STAP1: variants seen among roughly 807,000 people sequenced by gnomAD.
STAP1 encodes signal-transducing adaptor protein 1.
Under a neutral mutation model 37.8 loss-of-function variants are expected in STAP1, and 30 were observed. The observed-to-expected ratio is 0.79, with a 90% CI of 0.59 to 1.08. STAP1 has a LOEUF of 1.08. Among genes scored for constraint, STAP1 ranks in the 50% least tolerant of loss-of-function variants. STAP1 has a pLI of 0.00. For missense variants in STAP1, 357 were observed against 349.4 expected, an observed-to-expected ratio of 1.02 and a Z score of -0.17; for synonymous variants, 130 against 116.0, an observed-to-expected ratio of 1.12 and a Z score of -0.78.
At chr4:67,604,078 A>T (rs991219851) in intron 8 of STAP1, among the ~76,000 whole-genome samples, 1 of 152,198 alleles carries the variant, frequency 6.6e-6, no homozygotes, top group African/African-American at 2.4e-5. Flanking sequence ...CTCTGGCAAG[A>T]GCTGGTCTAA....
At chr4:67,585,301 C>T (rs1727957125) in intron 6 of STAP1, among the ~76,000 whole-genome samples, 2 of 152,168 alleles carry the variant, frequency 1.3e-5, no homozygotes, top group Non-Finnish European at 2.9e-5. Flanking sequence ...CCATAAATAT[C>T]TATAATTCTA....
chr4:67,566,530 T>A (rs901372225), intron 1 of STAP1, among the ~76,000 whole-genome samples: 4 of 152,144 alleles, frequency 2.6e-5, no homozygotes, highest in African/African-American at 9.7e-5. Flanking sequence ...AACAGAGCAG[T>A]ACACTCACTC....
At chr4:67,605,419 T>C (rs1222664985) in intron 8 of STAP1, among the ~76,000 whole-genome samples, 1 of 150,522 alleles carries the variant, frequency 6.6e-6, no homozygotes, top group East Asian at 1.9e-4. Context: ...TTAAGGATTT[T>C]AGAAACAGAC....
intron 1 of STAP1, among the ~76,000 whole-genome samples, chr4:67,564,976 C>T (rs1369036479): frequency 6.6e-6 from 1 of 152,142 alleles, no homozygotes; most frequent in Non-Finnish European, 1.5e-5. Context: ...ATGCATTTCT[C>T]TACATTCCCA....
intron 5 of STAP1, among the ~76,000 whole-genome samples, chr4:67,582,405 C>T (rs1727884230): frequency 6.6e-6 from 1 of 151,620 alleles, no homozygotes; most frequent in African/African-American, 2.4e-5. Context: ...ACCTCTGGGT[C>T]TCAAACGATT....
chr4:67,602,940 C>A (rs888369981), intron 8 of STAP1, among the ~76,000 whole-genome samples: 1 of 151,974 alleles, frequency 6.6e-6, no homozygotes. Flanking sequence ...AATGGCTAAT[C>A]CAGCCAAGCT....
intron 4 of STAP1, among the ~76,000 whole-genome samples, chr4:67,578,979 C>A (rs1727790415): frequency 6.6e-6 from 1 of 152,044 alleles, no homozygotes; most frequent in African/African-American, 2.4e-5. Flanking sequence ...AAGGCACGTA[C>A]CATCATGCCC....
At position 67,583,637 on chromosome 4, in the gene STAP1, A is replaced by T; in HGVS notation, c.594A>T (p.Gly198=). The change falls in exon 6 of 9, where the codon GGA becomes GGT. Residue 198 remains glycine, a synonymous_variant. Coordinates refer to ENST00000265404, the MANE Select transcript of STAP1 (RefSeq NM_012108.4). ...TGCTCCAGAAGAACCCTTCTTTGGG[A>T]AATATGATCCTGAGGCCTGGTAGTG... The part of the protein sequence containing the change: ...TEMLQKNPSL[G]NMILRPGSDS... 6.2e-7 allele frequency: 1 copy of T among 1,614,042 alleles called. No individual in the cohort carries two copies. The highest frequency in any genetic ancestry group is 8.5e-7 in the Non-Finnish European group (1 of 1,179,944).
At chr4:67,573,860 G>C (rs780764533) in intron 2 of STAP1, among the ~76,000 whole-genome samples, 22 of 152,018 alleles carry the variant, frequency 1.4e-4, no homozygotes, top group Non-Finnish European at 2.9e-4. Context: ...AACATAAAAG[G>C]AGATAAAAAG....
intron 6 of STAP1, among the ~76,000 whole-genome samples, chr4:67,584,430 T>C (rs1727936104): frequency 6.6e-6 from 1 of 152,144 alleles, no homozygotes; most frequent in South Asian, 2.1e-4. Context: ...TAGGGAGACA[T>C]AGACTTAAAC....
chr4:67,596,787 A>G (rs989550203), intron 8 of STAP1, among the ~76,000 whole-genome samples: 3 of 152,236 alleles, frequency 2.0e-5, no homozygotes, highest in African/African-American at 7.2e-5. Context: ...ACAGTGTTCA[A>G]GATGTGACCT....
intron 8 of STAP1, 23 bp from the exon 9 acceptor site, chr4:67,606,269 TTAAG>T (rs1728447485): frequency 3.1e-6 from 5 of 1,592,000 alleles, no homozygotes; most frequent in Admixed American, 1.8e-5. Flanking sequence ...GGTTCGCTAA[TTAAG>T]TTTTTCTACC....
At chr4:67,559,047 T>G (rs1411391316) in intron 1 of STAP1, 118 bp downstream of exon 1, 2 of 1,056,724 alleles carry the variant, frequency 1.9e-6, no homozygotes, top group Admixed American at 3.1e-5. Context: ...TCATCTTCTC[T>G]TCTTTGAGCT....
At chr4:67,580,793 A>G (rs1727835739) in intron 4 of STAP1, among the ~76,000 whole-genome samples, 1 of 152,246 alleles carries the variant, frequency 6.6e-6, no homozygotes, top group Non-Finnish European at 1.5e-5. Context: ...TAACATGTGA[A>G]TGAATGTTTG....
intron 1 of STAP1, among the ~76,000 whole-genome samples, chr4:67,564,736 A>G (rs1367871443): frequency 6.6e-6 from 1 of 152,128 alleles, no homozygotes; most frequent in African/African-American, 2.4e-5. Context: ...AACATGGTGA[A>G]ACCCTGCCTC....
intron 1 of STAP1, among the ~76,000 whole-genome samples, chr4:67,566,158 G>A (rs895206401): frequency 6.6e-6 from 1 of 151,952 alleles, no homozygotes; most frequent in Non-Finnish European, 1.5e-5. Context: ...ACGTTGGCCA[G>A]ACTGGCCTCG....
At chr4:67,600,490 G>A (rs1316381227) in intron 8 of STAP1, among the ~76,000 whole-genome samples, 1 of 152,102 alleles carries the variant, frequency 6.6e-6, no homozygotes, top group African/African-American at 2.4e-5. Flanking sequence ...GATGCTGAAT[G>A]AAATGTTCTG....
At chr4:67,580,095 T>A (rs1338077098) in intron 4 of STAP1, among the ~76,000 whole-genome samples, 1 of 152,288 alleles carries the variant, frequency 6.6e-6, no homozygotes, top group Non-Finnish European at 1.5e-5. Flanking sequence ...TGACCTCAAG[T>A]GATCCACCCA....
chr4:67,579,745 T>C (rs1727807839), intron 4 of STAP1, among the ~76,000 whole-genome samples: 1 of 152,140 alleles, frequency 6.6e-6, no homozygotes, highest in African/African-American at 2.4e-5. Flanking sequence ...CCATGAGAGA[T>C]TCATCCCCAT....
Sources: gnomAD v4.1 joint callset for allele counts (sites outside exome capture counted in the v4.1 genomes callset) on GRCh38, gnomAD v4.1.1 for gene constraint, MANE v1.5 for transcripts, NCBI Gene and HGNC (gene_info 2026-07-23, HGNC 2026-07-21) for gene names.